Variants in PCCA observed in about 807,000 individuals in gnomAD.
The protein encoded by PCCA is propionyl-CoA carboxylase alpha chain, mitochondrial.
PCCA carries 74 observed loss-of-function variants against 101.3 expected under a neutral mutation model. The ratio of observed to expected loss-of-function variants is 0.73; its 90% confidence interval spans 0.61 to 0.89. The LOEUF is 0.89. Among genes scored for constraint, PCCA ranks in the 40% least tolerant of loss-of-function variants. The pLI, the probability that PCCA is intolerant of heterozygous loss-of-function variation, is 0.00. For missense variants in PCCA, 891 were observed against 907.0 expected (o/e 0.98, Z 0.23); for synonymous variants, 294 against 313.6 (o/e 0.94, Z 0.66).
At chr13:100,438,031 T>G (rs2152911592) in intron 20 of PCCA, among the ~76,000 whole-genome samples, 1 of 152,324 alleles carries the variant, frequency 6.6e-6, no homozygotes, top group African/African-American at 2.4e-5. Flanking sequence ...TTAATTTTAC[T>G]AATACATTTT....
At chr13:100,459,134 C>G (rs138174281) in intron 21 of PCCA, among the ~76,000 whole-genome samples, 72 of 152,270 alleles carry the variant, frequency 4.7e-4, no homozygotes, top group African/African-American at 1.6e-3. Context: ...TGGCCTTCTT[C>G]CCTATGACTG....
intron 6 of PCCA, among the ~76,000 whole-genome samples, chr13:100,205,839 T>C (rs2058819739): frequency 6.6e-6 from 1 of 152,184 alleles, no homozygotes. Context: ...AGACAATTGA[T>C]GGTTGAAGCA....
intron 4 of PCCA, among the ~76,000 whole-genome samples, chr13:100,120,266 A>C (rs1395399401): frequency 2.0e-5 from 3 of 149,374 alleles, no homozygotes; most frequent in African/African-American, 7.4e-5. Flanking sequence ...ACAGCCATGA[A>C]CTCCTGGGCT....
intron 6 of PCCA, among the ~76,000 whole-genome samples, chr13:100,165,779 C>A (rs796280002): frequency 4.3e-4 from 65 of 152,198 alleles, no homozygotes; most frequent in African/African-American, 1.5e-3. Flanking sequence ...CACCTATAAT[C>A]CCATCACTTT....
chr13:100,165,923 A>G (rs530609170), intron 6 of PCCA, among the ~76,000 whole-genome samples: 1 of 152,324 alleles, frequency 6.6e-6, no homozygotes, highest in Non-Finnish European at 1.5e-5. Flanking sequence ...AAAAAAATAA[A>G]CCAGAGTTCA....
rs184183414 is a variant in PCCA at position 100,228,160 on chromosome 13, C to T, written c.601-7682C>T. ...CCCCCGGAGTAGCTGGGATTAAAGG[C>T]GCATGCCACCACGCCCAGCTGATTT... On this transcript the variant is annotated intron_variant, in intron 7 of 23. Coordinates refer to ENST00000376285, the MANE Select transcript of PCCA (RefSeq NM_000282.4). Among the ~76,000 whole-genome samples, 674 of 152,100 alleles carry T rather than the reference C, an allele frequency of 4.4e-3. 12 individuals carry two copies. The highest frequency in any genetic ancestry group is 0.015 in the African/African-American group (643 of 41,490).
At chr13:100,190,607 G>A (rs1490421045) in intron 6 of PCCA, among the ~76,000 whole-genome samples, 16 of 151,952 alleles carry the variant, frequency 1.1e-4, no homozygotes, top group Non-Finnish European at 2.4e-4. Flanking sequence ...CCTGGGAGGT[G>A]GAGGCTGCAG....
intron 20 of PCCA, among the ~76,000 whole-genome samples, chr13:100,440,449 A>G (rs1442653801): frequency 6.6e-6 from 1 of 151,334 alleles, no homozygotes; most frequent in Non-Finnish European, 1.5e-5. Flanking sequence ...TAAAAATGTT[A>G]TTTTCTTTTC....
intron 21 of PCCA, among the ~76,000 whole-genome samples, chr13:100,487,547 G>T (rs968773609): frequency 6.6e-6 from 1 of 152,166 alleles, no homozygotes; most frequent in Non-Finnish European, 1.5e-5. Flanking sequence ...ATTTCAGGAT[G>T]TCTCAAAATC....
chr13:100,473,609 C>A (rs137965696), intron 21 of PCCA, among the ~76,000 whole-genome samples: 46 of 152,312 alleles, frequency 3.0e-4, no homozygotes, highest in Middle Eastern at 3.4e-3. Flanking sequence ...CCAGTGATGC[C>A]TTAAACTGGT....
chr13:100,498,235 C>A (rs1161852504), intron 21 of PCCA, among the ~76,000 whole-genome samples: 188 of 127,812 alleles, frequency 1.5e-3, no homozygotes, highest in Admixed American at 1.6e-3. Flanking sequence ...GTAGGTTAGC[C>A]AAAAAAAAAA....
At chr13:100,410,591 G>C (rs890020300) in intron 19 of PCCA, among the ~76,000 whole-genome samples, 1 of 152,218 alleles carries the variant, frequency 6.6e-6, no homozygotes, top group Non-Finnish European at 1.5e-5. Context: ...AGTGTAGTGA[G>C]CACCATGTGC....
intron 6 of PCCA, among the ~76,000 whole-genome samples, chr13:100,199,686 T>A (rs1211317531): frequency 6.6e-6 from 1 of 152,202 alleles, no homozygotes; most frequent in African/African-American, 2.4e-5. Context: ...ATCTAGTAAT[T>A]TATTGGATTA....
chr13:100,340,463 A>G (rs570626132), intron 18 of PCCA, among the ~76,000 whole-genome samples: 1 of 152,344 alleles, frequency 6.6e-6, no homozygotes, highest in African/African-American at 2.4e-5. Context: ...CAGAAAGGAT[A>G]AAAGGATCTT....
chr13:100,498,737 T>C (rs2085456382), intron 21 of PCCA, among the ~76,000 whole-genome samples: 1 of 152,130 alleles, frequency 6.6e-6, no homozygotes, highest in African/African-American at 2.4e-5. Context: ...CTGAGGTTCA[T>C]CCACACTGGA....
At chr13:100,422,118 CTTT>C (rs773470012) in intron 19 of PCCA, among the ~76,000 whole-genome samples, 5 of 51,162 alleles carry the variant, frequency 9.8e-5, no homozygotes, top group African/African-American at 4.0e-4. Context: ...TTCTTTCTTT[CTTT>C]TCTTTCTTTC....
At position 100,515,521 on chromosome 13, in the gene PCCA, C is replaced by T. The variant is rs199994352; in HGVS notation, c.1994C>T (p.Pro665Leu). 1.8e-4 allele frequency: 286 copies of T among 1,614,006 alleles called. No homozygotes were observed. Among genetic ancestry groups the T allele is most frequent in the Non-Finnish European group, 2.0e-4 (240 of 1,180,014 alleles). ...GACACAAGCAGTGTTCTGCGTTCCC[C>T]GATGCCCGGAGTGGTGGTGGCCGTC... ...TEDTSSVLRS[P>L]MPGVVVAVSV... is the part of the protein sequence containing the mutation. The change falls in exon 22 of 24, where the codon CCG becomes CTG. Residue 665 changes from proline (P) to leucine (L), a missense_variant. Coordinates refer to ENST00000376285, the MANE Select transcript of PCCA (RefSeq NM_000282.4).
At chr13:100,419,404 G>A (rs567153341) in intron 19 of PCCA, among the ~76,000 whole-genome samples, 105 of 152,008 alleles carry the variant, frequency 6.9e-4, no homozygotes, top group African/African-American at 2.0e-3. Context: ...CCTGGGAGGC[G>A]GAGGCTGCAG....
chr13:100,280,087 TAC>T (rs747333959), intron 12 of PCCA, among the ~76,000 whole-genome samples: 9 of 151,384 alleles, frequency 5.9e-5, no homozygotes, highest in Non-Finnish European at 1.0e-4. Context: ...GAAATAACAA[TAC>T]AGTTTCTCCA....
Sources: gnomAD v4.1 joint callset for allele counts (sites outside exome capture counted in the v4.1 genomes callset) on GRCh38, gnomAD v4.1.1 for gene constraint, MANE v1.5 for transcripts, NCBI Gene and HGNC (gene_info 2026-07-23, HGNC 2026-07-21) for gene names.